The following AXDND1 variants were observed in gnomAD, a reference collection of about 807,000 sequenced individuals.
AXDND1 encodes the protein axonemal dynein light chain domain containing 1.
In AXDND1, 110 loss-of-function variants were observed where a neutral mutation model predicts 137.5. The observed-to-expected ratio is 0.80, with a 90% CI of 0.69 to 0.94. The LOEUF is 0.94. Among genes scored for constraint, AXDND1 ranks in the 40% least tolerant of loss-of-function variants. The pLI, the probability that AXDND1 is intolerant of heterozygous loss-of-function variation, is 0.00. For synonymous variants in AXDND1, 414 were observed against 399.7 expected (o/e 1.04, Z -0.43); for missense variants, 1,191 against 1,169.8 (o/e 1.02, Z -0.26).
intron 15 of AXDND1, among the ~76,000 whole-genome samples, chr1:179,434,878 C>A (rs6659294): frequency 0.87 from 132,871 of 152,122 alleles, 58,139 homozygotes; most frequent in East Asian, 0.9. Flanking sequence ...AGAGTATTCA[C>A]ATAGGAAGGG....
chr1:179,370,322 T>A (rs78340652), intron 4 of AXDND1, among the ~76,000 whole-genome samples: 1,894 of 152,362 alleles, frequency 0.012, 49 homozygotes, highest in Admixed American at 0.057. Context: ...GCTTTTTGCA[T>A]GCCTTTGTAT....
chr1:179,493,029 C>A, intron 20 of AXDND1, 78 bp downstream of exon 20: 2 of 917,450 alleles, frequency 2.2e-6, no homozygotes, highest in South Asian at 1.7e-5. Context: ...AATTGATGTA[C>A]AACAAGCTCA....
At chr1:179,552,180 C>A (rs1673385139) in intron 25 of AXDND1, 2 of 225,174 alleles carry the variant, frequency 8.9e-6, no homozygotes, top group African/African-American at 4.5e-5. Flanking sequence ...TTGGCTCTAG[C>A]ATTGAGGGAA....
rs558082337 is a variant in AXDND1, at chr1:179,427,875, C to T, written c.1231-1643C>T. Among the ~76,000 whole-genome samples the T allele has an allele frequency of 4.0e-5, 6 of 151,478 alleles. No individual in the cohort carries two copies. In the South Asian group the frequency reaches 1.0e-3, roughly 26 times the overall value. ...CTGAACTCCCAGTTTCCATTATATACCATCTTCAGAGACAAAAGACAAACA... is the reference window on the plus strand; with the variant it reads ...CTGAACTCCCAGTTTCCATTATATATCATCTTCAGAGACAAAAGACAAACA... On this transcript the variant is annotated intron_variant, in intron 12 of 25. Coordinates refer to ENST00000367618, the MANE Select transcript of AXDND1 (RefSeq NM_144696.6).
intron 18 of AXDND1, among the ~76,000 whole-genome samples, chr1:179,486,192 G>A (rs370387718): frequency 6.8e-6 from 1 of 147,854 alleles, no homozygotes; most frequent in African/African-American, 2.5e-5. Flanking sequence ...GCAATTGCAA[G>A]TATTAACAGC....
intron 11 of AXDND1, among the ~76,000 whole-genome samples, chr1:179,398,437 T>C (rs769601592): frequency 6.6e-6 from 1 of 152,198 alleles, no homozygotes; most frequent in African/African-American, 2.4e-5. Flanking sequence ...CCTTTCATAG[T>C]GCTGTGGCAG....
intron 12 of AXDND1, among the ~76,000 whole-genome samples, chr1:179,419,973 C>A (rs374459601): frequency 6.6e-6 from 1 of 152,130 alleles, no homozygotes; most frequent in Non-Finnish European, 1.5e-5. Flanking sequence ...CTGTCCAGGA[C>A]TTCCAGGAAT....
At chr1:179,464,026 T>G (rs915158636) in intron 16 of AXDND1, among the ~76,000 whole-genome samples, 47 of 152,298 alleles carry the variant, frequency 3.1e-4, no homozygotes, top group Admixed American at 2.3e-3. Context: ...AACATGAGAT[T>G]GGTCTCCTGA....
intron 20 of AXDND1, among the ~76,000 whole-genome samples, chr1:179,502,134 G>C (rs1165288496): frequency 6.6e-6 from 1 of 152,090 alleles, no homozygotes; most frequent in Non-Finnish European, 1.5e-5. Context: ...ATAGAAAAAT[G>C]GGCAAAAAGC....
intron 17 of AXDND1, among the ~76,000 whole-genome samples, chr1:179,476,589 C>T (rs1572001006): frequency 6.6e-6 from 1 of 151,772 alleles, no homozygotes; most frequent in African/African-American, 2.4e-5. Context: ...GTCTTTATTC[C>T]ACCTTCATTT....
In AXDND1 at chr1:179,546,257, T is replaced by C. The variant is rs554110092; in HGVS notation, c.3032-8255T>C. ...TCTTCCACTAAGATGGGACACACTA[T>C]GGGGAAAGGAAATCAGGGTGGGGTT... is the stretch of plus-strand genomic sequence containing the variant. On this transcript the variant is annotated intron_variant, in intron 25 of 25. Transcript: ENST00000367618. The C allele has an allele frequency of 2.7e-5, 4 of 149,012 alleles. No individual in the cohort carries two copies. In the East Asian group the frequency reaches 7.9e-4, roughly 30 times the overall value. 9.2% of individuals were successfully genotyped at this position (149,012 alleles called of 1,614,324 possible).
intron 16 of AXDND1, among the ~76,000 whole-genome samples, chr1:179,466,282 C>CTTTTTTTTTTTTTTTTTTTTTT (rs1491121382): frequency 2.1e-5 from 2 of 95,650 alleles, no homozygotes; most frequent in Non-Finnish European, 4.1e-5. Context: ...TCTTCTTCTT[C>CTTTTTTTTTTTTTTTTTTTTTT]TTCTTTTTTT....
chr1:179,534,678 A>G, intron 24 of AXDND1, 52 bp from the exon 25 acceptor site: 2 of 1,523,452 alleles, frequency 1.3e-6, no homozygotes, highest in Non-Finnish European at 1.7e-6. Context: ...TTCGAAATCA[A>G]AAATACTTTT....
chr1:179,473,452 C>T (rs1191900171), intron 17 of AXDND1, among the ~76,000 whole-genome samples: 5 of 152,012 alleles, frequency 3.3e-5, no homozygotes, highest in Non-Finnish European at 4.4e-5. Context: ...GAGCCGAGAT[C>T]GCGCCATTGC....
chr1:179,497,932 C>CT (rs1357315665), intron 20 of AXDND1, among the ~76,000 whole-genome samples: 4 of 152,032 alleles, frequency 2.6e-5, no homozygotes, highest in African/African-American at 9.7e-5. Context: ...AATCAAATAC[C>CT]TAGGAATACA....
chr1:179,388,753 ATTT>A (rs34937470), intron 9 of AXDND1, among the ~76,000 whole-genome samples: 3 of 139,192 alleles, frequency 2.2e-5, no homozygotes, highest in African/African-American at 5.2e-5. Context: ...ATGCCTGGCT[ATTT>A]TTTTTTTTTT....
At chr1:179,371,604 T>C (rs369394768) in intron 4 of AXDND1, among the ~76,000 whole-genome samples, 1 of 152,064 alleles carries the variant, frequency 6.6e-6, no homozygotes, top group African/African-American at 2.4e-5. Flanking sequence ...TTTACAGATA[T>C]GATGAAAGTA....
At chr1:179,482,279 C>T (rs1242652252) in intron 17 of AXDND1, among the ~76,000 whole-genome samples, 1 of 151,880 alleles carries the variant, frequency 6.6e-6, no homozygotes, top group Admixed American at 6.6e-5. Flanking sequence ...TGGATTGCCT[C>T]TCATGGAGTA....
chr1:179,426,415 A>G (rs1234877590), intron 12 of AXDND1, among the ~76,000 whole-genome samples: 3 of 152,220 alleles, frequency 2.0e-5, no homozygotes, highest in African/African-American at 7.2e-5. Context: ...ATACAGAATA[A>G]TTAGATAACA....
Sources: allele counts gnomAD v4.1 joint callset (sites outside exome capture counted in the v4.1 genomes callset), GRCh38; gene constraint gnomAD v4.1.1; transcripts MANE v1.5; gene names NCBI Gene and HGNC (gene_info 2026-07-23, HGNC 2026-07-21).